LRCH3: variants seen among roughly 807,000 people sequenced by gnomAD.
LRCH3 encodes leucine rich repeats and calponin homology domain containing 3.
LRCH3 carries 68 observed loss-of-function variants against 104.5 expected under a neutral mutation model. That is an observed-to-expected ratio of 0.65 (90% CI 0.54 to 0.80). The LOEUF is 0.80. LRCH3 is among the 30% of genes least tolerant of loss of function. The probability of loss-of-function intolerance (pLI) is 0.00; values close to 1 mark genes in which losing one functional copy is unlikely to be tolerated. For missense variants in LRCH3, 951 were observed against 953.9 expected, an observed-to-expected ratio of 1.00 and a Z score of 0.04; for synonymous variants, 344 against 361.3, an observed-to-expected ratio of 0.95 and a Z score of 0.54.
chr3:197,846,184 T>C (rs1214022822), intron 10 of LRCH3, among the ~76,000 whole-genome samples: 2 of 151,938 alleles, frequency 1.3e-5, no homozygotes, highest in Non-Finnish European at 2.9e-5. Flanking sequence ...GTGGATCACT[T>C]GAAAGCTCAG....
At chr3:197,879,947 A>ATTT (rs1327149985) in intron 20 of LRCH3, among the ~76,000 whole-genome samples, 1 of 123,358 alleles carries the variant, frequency 8.1e-6, no homozygotes, top group East Asian at 2.2e-4. Flanking sequence ...TGTGTATTGT[A>ATTT]TTTTTTTTTT....
chr3:197,864,726 TC>T (rs201363962), intron 15 of LRCH3, among the ~76,000 whole-genome samples: 107 of 139,648 alleles, frequency 7.7e-4, no homozygotes, highest in African/African-American at 1.5e-3. Context: ...TTTTTTTTTT[TC>T]CAAAGGGGGT....
rs983143653 is a variant in LRCH3 at position 197,875,772 on chromosome 3, T to G, written c.2205T>G (p.Pro735=). The change falls in exon 20 of 21, where the codon CCT becomes CCG. Residue 735 remains proline (P), a synonymous_variant. Coordinates refer to ENST00000425562, the MANE Select transcript of LRCH3 (RefSeq NM_001365715.1). ...FLEACRKIGV[P]QEQLCLPLHI... is the part of the protein sequence containing the mutation. The stretch of plus-strand genomic sequence containing the variant: ...AAGCTTGCAGAAAAATTGGTGTACC[T>G]CAGGTAATAAATTTATCATTTTTTA... The G allele has an allele frequency of 1.3e-6, 2 of 1,526,974 alleles. No individual in the cohort carries two copies. The highest frequency in any genetic ancestry group is 2.7e-5 in the African/African-American group (2 of 72,834). 94.6% of individuals were successfully genotyped at this position (1,526,974 alleles called of 1,614,324 possible).
chr3:197,809,580 G>C (rs1433099425), intron 1 of LRCH3, among the ~76,000 whole-genome samples: 1 of 150,784 alleles, frequency 6.6e-6, no homozygotes, highest in Non-Finnish European at 1.5e-5. Flanking sequence ...GCTCTGTTCA[G>C]TCTTTTTTTT....
chr3:197,823,290 CG>C (rs1560542637), intron 4 of LRCH3: 1 of 150,482 alleles, frequency 6.6e-6, no homozygotes, highest in Non-Finnish European at 1.5e-5. Context: ...TTAGTAGAGA[CG>C]GGGTTTCACC....
chr3:197,807,511 A>G (rs114576894), intron 1 of LRCH3, among the ~76,000 whole-genome samples: 4,930 of 152,122 alleles, frequency 0.032, 125 homozygotes, highest in Non-Finnish European at 0.048. Flanking sequence ...GTGAGCCACC[A>G]TGCCCGGCCG....
chr3:197,792,170 C>T (rs1232736851), intron 1 of LRCH3, among the ~76,000 whole-genome samples: 2 of 151,646 alleles, frequency 1.3e-5, no homozygotes, highest in Non-Finnish European at 2.9e-5. Context: ...TCTTTCTTCG[C>T]CTCCATCTAG....
At chr3:197,824,678 T>C (rs899336796) in intron 4 of LRCH3, among the ~76,000 whole-genome samples, 1 of 150,534 alleles carries the variant, frequency 6.6e-6, no homozygotes, top group African/African-American at 2.5e-5. Flanking sequence ...GTTCAAGTGA[T>C]TCTCTGCCTC....
At chr3:197,792,673 C>T (rs1187550877) in intron 1 of LRCH3, among the ~76,000 whole-genome samples, 16 of 131,272 alleles carry the variant, frequency 1.2e-4, no homozygotes, top group African/African-American at 2.8e-4. Flanking sequence ...TTTTTCGAGA[C>T]GGTATCTCGC....
chr3:197,872,787 G>A (rs951598166), intron 19 of LRCH3, among the ~76,000 whole-genome samples: 12 of 151,676 alleles, frequency 7.9e-5, no homozygotes, highest in African/African-American at 2.2e-4. Flanking sequence ...CCCAGGAGGC[G>A]GAGCTTGCAG....
intron 5 of LRCH3, among the ~76,000 whole-genome samples, chr3:197,828,231 C>T (rs1027339187): frequency 6.6e-6 from 1 of 152,126 alleles, no homozygotes; most frequent in African/African-American, 2.4e-5. Flanking sequence ...ATTTGTTTAC[C>T]AGTGACTGAA....
At position 197,888,021 on chromosome 3, in the gene LRCH3, T is replaced by C. The variant is rs1015912092; in HGVS notation, c.*4355T>C. ...ACACAGAGCATAGTAGTAGATCACTTTTCTGAAGAGCTTTTTAAAATACAG... is the reference window on the plus strand; with the variant it reads ...ACACAGAGCATAGTAGTAGATCACTCTTCTGAAGAGCTTTTTAAAATACAG... On this transcript the variant is annotated 3_prime_UTR_variant, in exon 21 of 21. Coordinates refer to ENST00000425562, the MANE Select transcript of LRCH3 (RefSeq NM_001365715.1). The C allele has an allele frequency of 2.6e-5, 4 of 152,272 alleles. No homozygotes were observed. The highest frequency in any genetic ancestry group is 7.2e-5 in the African/African-American group (3 of 41,474). 9.4% of individuals were successfully genotyped at this position (152,272 alleles called of 1,614,324 possible). A position where few individuals can be genotyped will look rare whatever the true frequency, so the allele number is the denominator to read the frequency against.
At chr3:197,815,097 T>A (rs1355166854) in intron 2 of LRCH3, 45 bp downstream of exon 2, 1 of 1,196,188 alleles carries the variant, frequency 8.4e-7, no homozygotes, top group Non-Finnish European at 1.1e-6. Context: ...TTTTATGTGA[T>A]CTTTTCGATT....
intron 1 of LRCH3, among the ~76,000 whole-genome samples, chr3:197,792,599 A>ATATATATATATATATATATATG (rs1580498481): frequency 1.2e-5 from 1 of 80,252 alleles, no homozygotes; most frequent in East Asian, 4.7e-4. Flanking sequence ...ATATATATAT[A>ATATATATATATATATATATATG]TATATAAAAT....
At chr3:197,841,851 G>GTTTTGT (rs75051852) in intron 10 of LRCH3, among the ~76,000 whole-genome samples, 1 of 150,208 alleles carries the variant, frequency 6.7e-6, no homozygotes, top group East Asian at 1.9e-4. Context: ...GTTTTGTTTT[G>GTTTTGT]TGACAGGGTC....
chr3:197,855,932 T>A (rs1740190041), intron 14 of LRCH3, among the ~76,000 whole-genome samples: 1 of 152,206 alleles, frequency 6.6e-6, no homozygotes, highest in Non-Finnish European at 1.5e-5. Flanking sequence ...TTATCAAAAC[T>A]GTGCTTCAGA....
chr3:197,804,735 A>G (rs1243109216), intron 1 of LRCH3, among the ~76,000 whole-genome samples: 1 of 152,220 alleles, frequency 6.6e-6, no homozygotes, highest in African/African-American at 2.4e-5. Flanking sequence ...TCGTGGTCCA[A>G]TCAACAGTGA....
intron 12 of LRCH3, 106 bp downstream of exon 12, chr3:197,848,127 C>G: frequency 8.7e-7 from 1 of 1,147,502 alleles, no homozygotes; most frequent in South Asian, 1.5e-5. Context: ...GACCATTTTT[C>G]TCTCTGTAAG....
rs551396647 is a variant in LRCH3, at chr3:197,850,332, T to C, written c.1531-2229T>C. The C allele has an allele frequency of 6.5e-6, 5 of 764,750 alleles. No individual in the cohort carries two copies. The African/African-American group carries it at 7.2e-5, about 11-fold the overall frequency. The allele number at this position is 764,750 out of a possible 1,614,324, so 47.4% of individuals were successfully genotyped here. On this transcript the variant is annotated intron_variant, in intron 12 of 20. Coordinates refer to ENST00000425562, the MANE Select transcript of LRCH3 (RefSeq NM_001365715.1). ...TTTACTCATTTAATTCTCCCAACTC[T>C]CTTTAGGTACCATTTTTTCTTTTTT...
Sources: gnomAD v4.1 joint callset for allele counts (sites outside exome capture counted in the v4.1 genomes callset) on GRCh38, gnomAD v4.1.1 for gene constraint, MANE v1.5 for transcripts, NCBI Gene and HGNC (gene_info 2026-07-23, HGNC 2026-07-21) for gene names.